Variants in PSTPIP1 observed in about 807,000 individuals in gnomAD.
PSTPIP1 encodes the protein proline-serine-threonine phosphatase interacting protein 1.
PSTPIP1 carries 66 observed loss-of-function variants against 69.6 expected under a neutral mutation model. The ratio of observed to expected loss-of-function variants is 0.95; its 90% CI spans 0.78 to 1.16. The LOEUF (loss-of-function observed/expected upper bound fraction) is 1.16. Among genes scored for constraint, PSTPIP1 ranks in the 50% most tolerant of loss-of-function variants. The pLI, the probability that PSTPIP1 is intolerant of heterozygous loss-of-function variation, is 0.00. For synonymous variants in PSTPIP1, 266 were observed against 222.7 expected, an observed-to-expected ratio of 1.19 and a Z score of -1.73; for missense variants, 603 against 557.4, an observed-to-expected ratio of 1.08 and a Z score of -0.82.
chr15:77,010,248 C>A (rs2075906532), intron 1 of PSTPIP1, among the ~76,000 whole-genome samples: 1 of 152,222 alleles, frequency 6.6e-6, no homozygotes, highest in African/African-American at 2.4e-5. Context: ...TCACTGTTAT[C>A]CTCACTTCCT....
Position 77,032,282 on chromosome 15 carries a change from C to T in PSTPIP1, c.742-16C>T. On this transcript the variant is annotated splice_polypyrimidine_tract_variant and intron_variant, in intron 10 of 14. Coordinates refer to ENST00000558012, the MANE Select transcript of PSTPIP1 (RefSeq NM_003978.5). ...AGTGGGCATCGGGCTGCGGCCTCTGCTCTTTCCTGCCCCAGCTCTACGAGG... is the reference window on the plus strand; with the variant it reads ...AGTGGGCATCGGGCTGCGGCCTCTGTTCTTTCCTGCCCCAGCTCTACGAGG... 1 of 1,611,618 alleles carries T rather than the reference C, an allele frequency of 6.2e-7. No homozygotes were observed. The highest frequency in any genetic ancestry group is 8.5e-7 in the Non-Finnish European group (1 of 1,179,134).
intron 1 of PSTPIP1, among the ~76,000 whole-genome samples, chr15:77,011,798 G>A (rs2075939112): frequency 6.6e-6 from 1 of 152,118 alleles, no homozygotes. Context: ...ACAGACTGTA[G>A]TGATGGGCGC....
chr15:77,009,609 C>T (rs1052533042), intron 1 of PSTPIP1, among the ~76,000 whole-genome samples: 5 of 152,210 alleles, frequency 3.3e-5, no homozygotes, highest in Admixed American at 1.3e-4. Flanking sequence ...TGAATCCCCT[C>T]GGCTGCCCTT....
In PSTPIP1 at chr15:77,037,199, G is replaced by C; in HGVS notation, c.*23G>C. 6.4e-7 allele frequency: 1 copy of C among 1,570,112 alleles called. No homozygotes were observed. Among genetic ancestry groups the C allele is most frequent in the South Asian group, 1.1e-5 (1 of 86,984 alleles). On this transcript the variant is annotated 3_prime_UTR_variant, in exon 15 of 15. Transcript: ENST00000558012. ...TGAGGAAGGGCCAGGAGCCCCTTCG[G>C]ACCTGCCCTGCCAGTGGAGCCAGCA... is the stretch of plus-strand genomic sequence containing the variant.
intron 3 of PSTPIP1, among the ~76,000 whole-genome samples, chr15:77,021,399 GAC>G (rs2152681081): frequency 6.6e-6 from 1 of 152,302 alleles, no homozygotes; most frequent in East Asian, 1.9e-4. Flanking sequence ...GCATTTTAAA[GAC>G]AGCATTAGGG....
chr15:77,003,124 C>A (rs1364277958), intron 1 of PSTPIP1, among the ~76,000 whole-genome samples: 5 of 152,118 alleles, frequency 3.3e-5, no homozygotes, highest in Non-Finnish European at 7.4e-5. Flanking sequence ...CTCTCTGCAC[C>A]CTCTCTGGTG....
At chr15:77,006,228 A>G (rs1266572051) in intron 1 of PSTPIP1, among the ~76,000 whole-genome samples, 1 of 152,060 alleles carries the variant, frequency 6.6e-6, no homozygotes, top group African/African-American at 2.4e-5. Flanking sequence ...AATGATGTTG[A>G]GCATCTTTTC....
intron 1 of PSTPIP1, among the ~76,000 whole-genome samples, chr15:76,998,762 C>T (rs1354095524): frequency 6.6e-6 from 1 of 152,154 alleles, no homozygotes. Context: ...CTCAGTCGGC[C>T]TGTTTTTGCA....
chr15:77,036,749 G>A (rs549182466), intron 14 of PSTPIP1, among the ~76,000 whole-genome samples: 2 of 152,214 alleles, frequency 1.3e-5, no homozygotes, highest in South Asian at 4.1e-4. Flanking sequence ...CTGGGCTTGG[G>A]GTATGATGAG....
chr15:77,006,890 C>G (rs2075825283), intron 1 of PSTPIP1, among the ~76,000 whole-genome samples: 1 of 152,168 alleles, frequency 6.6e-6, no homozygotes, highest in East Asian at 1.9e-4. Flanking sequence ...GTCCTCCAAA[C>G]TTATTCTTCT....
At chr15:77,021,950 C>T (rs921057814) in intron 3 of PSTPIP1, among the ~76,000 whole-genome samples, 1 of 152,214 alleles carries the variant, frequency 6.6e-6, no homozygotes, top group Non-Finnish European at 1.5e-5. Context: ...AGAAGCTGCA[C>T]AGGGCAGGGG....
rs762096221 is a variant in PSTPIP1, at chr15:77,037,212, A to G, written c.*36A>G. 1 of 1,564,056 alleles carries G rather than the reference A, an allele frequency of 6.4e-7. No homozygotes were observed. The highest frequency in any genetic ancestry group is 8.6e-7 in the Non-Finnish European group (1 of 1,156,130). Reference sequence around the variant, plus strand: ...GGAGCCCCTTCGGACCTGCCCTGCCAGTGGAGCCAGCAGTGCCCCCAGCAC... The same window carrying G: ...GGAGCCCCTTCGGACCTGCCCTGCCGGTGGAGCCAGCAGTGCCCCCAGCAC... On this transcript the variant is annotated 3_prime_UTR_variant, in exon 15 of 15. Coordinates refer to ENST00000558012, the MANE Select transcript of PSTPIP1 (RefSeq NM_003978.5).
intron 14 of PSTPIP1, 38 bp downstream of exon 14, chr15:77,035,973 C>G: frequency 1.9e-6 from 3 of 1,548,894 alleles, no homozygotes; most frequent in Non-Finnish European, 2.6e-6. Context: ...TGTGCCACCT[C>G]CCCTGCACCT....
At chr15:77,012,815 A>T (rs1281867408) in intron 1 of PSTPIP1, among the ~76,000 whole-genome samples, 1 of 152,248 alleles carries the variant, frequency 6.6e-6, no homozygotes, top group African/African-American at 2.4e-5. Flanking sequence ...TGAATCTGCA[A>T]GCAAATGATC....
intron 1 of PSTPIP1, among the ~76,000 whole-genome samples, chr15:77,000,492 CACACACACACAT>C (rs1285087325): frequency 3.1e-4 from 46 of 149,026 alleles, no homozygotes; most frequent in African/African-American, 1.1e-3. Flanking sequence ...CACACACACA[CACACACACACAT>C]ACACACACAC....
intron 12 of PSTPIP1, 24 bp from the exon 13 acceptor site, chr15:77,035,484 A>G (rs1284881469): frequency 1.3e-5 from 21 of 1,579,006 alleles, no homozygotes; most frequent in Non-Finnish European, 1.7e-5. Flanking sequence ...GGGGACACTC[A>G]CCCTCTTTCC....
At chr15:77,004,582 G>C (rs749139426) in intron 1 of PSTPIP1, among the ~76,000 whole-genome samples, 2 of 152,072 alleles carry the variant, frequency 1.3e-5, no homozygotes, top group Non-Finnish European at 2.9e-5. Flanking sequence ...GGCCAGGCGT[G>C]GTGGCTCACA....
chr15:77,022,291 C>T (rs2076177758), intron 3 of PSTPIP1, among the ~76,000 whole-genome samples: 1 of 152,146 alleles, frequency 6.6e-6, no homozygotes, highest in South Asian at 2.1e-4. Context: ...GAGGGCTACT[C>T]CTGTCAGCTG....
Position 77,037,466 on chromosome 15 carries a change from T to TG in PSTPIP1, c.*292dup. 6.3e-6 allele frequency: 2 copies of TG among 316,618 alleles called. No individual in the cohort carries two copies. The highest frequency in any genetic ancestry group is 1.2e-5 in the Non-Finnish European group (2 of 164,124). The allele number at this position is 316,618 out of a possible 1,614,324, so 19.6% of individuals were successfully genotyped here. A position where few individuals can be genotyped will look rare whatever the true frequency, so the allele number is the denominator to read the frequency against. ...ACTCAGCCGAGGCTTCAGCTATAGT[T>TG]GGAGAAGAGGCCTGGCCCCAGTTGC... On this transcript the variant is annotated 3_prime_UTR_variant, in exon 15 of 15. Coordinates refer to ENST00000558012, the MANE Select transcript of PSTPIP1 (RefSeq NM_003978.5).
Sources: allele counts gnomAD v4.1 joint callset (sites outside exome capture counted in the v4.1 genomes callset), GRCh38; gene constraint gnomAD v4.1.1; transcripts MANE v1.5; gene names NCBI Gene and HGNC (gene_info 2026-07-23, HGNC 2026-07-21).